The following FAM120B variants were observed in gnomAD, a reference collection of about 807,000 sequenced individuals.
FAM120B encodes the protein constitutive coactivator of peroxisome proliferator-activated receptor gamma.
A neutral mutation model predicts 96.3 loss-of-function variants in FAM120B; 83 were observed. The ratio of observed to expected loss-of-function variants is 0.86; its 90% CI spans 0.72 to 1.03. The LOEUF is 1.03. FAM120B is among the 50% of genes least tolerant of loss of function. The pLI is 0.00. For synonymous variants in FAM120B, 407 were observed against 402.7 expected (o/e 1.01, Z -0.13); for missense variants, 1,027 against 1,121.2 (o/e 0.92, Z 1.20).
At chr6:170,395,684 G>A in intron 9 of FAM120B, 105 bp downstream of exon 9, 1 of 763,834 alleles carries the variant, frequency 1.3e-6, no homozygotes, top group Non-Finnish European at 2.2e-6. Context: ...AGGTTGTATA[G>A]TTCCAGTAAA....
At position 170,317,418 on chromosome 6, in the gene FAM120B, G is replaced by T. The variant is rs963115908; in HGVS notation, c.28G>T (p.Val10Leu). ...GGGTGTGAGAGGTTTGCAAGGATTT[G>T]TGGGAAGTACCTGCCCACATATATG... MGVRGLQGF[V>L]GSTCPHICTV... Residue 10 changes from valine (V) to leucine (L), a missense_variant, in exon 2 of 11, where the codon GTG becomes TTG. By Grantham distance (32) the Val-to-Leu change is conservative. Coordinates refer to ENST00000476287, the MANE Select transcript of FAM120B (RefSeq NM_032448.3). 1.2e-6 allele frequency: 2 copies of T among 1,611,498 alleles called. No individual in the cohort carries two copies. The highest frequency in any genetic ancestry group is 1.3e-5 in the African/African-American group (1 of 74,856).
chr6:170,330,930 T>C, intron 4 of FAM120B: 1 of 185,662 alleles, frequency 5.4e-6, no homozygotes, highest in Non-Finnish European at 1.1e-5. Flanking sequence ...GGATAGATTC[T>C]TGATATTCTG....
upstream of FAM120B, among the ~76,000 whole-genome samples, chr6:170,291,267 G>C (rs1342877027): frequency 6.6e-6 from 1 of 151,384 alleles, no homozygotes; most frequent in Admixed American, 6.6e-5. Flanking sequence ...CGTCCCCTCC[G>C]CACGCCCTCC....
At position 170,295,539 on chromosome 6, in the gene FAM120B, G is replaced by A. The variant is rs950307031; in HGVS notation, c.48+86G>A. 3 of 625,576 alleles carry A rather than the reference G, an allele frequency of 4.8e-6. No individual in the cohort carries two copies. In the Admixed American group the frequency reaches 8.0e-5, roughly 17 times the overall value. 38.8% of individuals were successfully genotyped at this position (625,576 alleles called of 1,614,324 possible). ...GGGCAGGAGCGCGACCCCCGGCGCG[G>A]GCAGCTCTGCGCGAAGGTGGGCGAC... On this transcript the variant is annotated intron_variant, in intron 1 of 10. Coordinates refer to the FAM120B transcript ENST00000537664. The surrounding 1 kb of genome is among the most constrained non-coding windows in gnomAD (Gnocchi z 7.8).
upstream of FAM120B, among the ~76,000 whole-genome samples, chr6:170,302,490 T>C (rs929194766): frequency 6.6e-6 from 1 of 152,150 alleles, no homozygotes; most frequent in Non-Finnish European, 1.5e-5. Context: ...TCAAAAGAAA[T>C]TTCATTCAGC....
intron 9 of FAM120B, among the ~76,000 whole-genome samples, chr6:170,399,203 G>A (rs1232986356): frequency 1.0e-4 from 15 of 145,538 alleles, no homozygotes; most frequent in Non-Finnish European, 7.6e-5. Flanking sequence ...ACTCTTAGAA[G>A]TGAGTGGGAA....
In FAM120B at chr6:170,370,685, T is replaced by G. The variant is rs989261015; in HGVS notation, c.2283+12367T>G. 1.8e-4 allele frequency among the ~76,000 whole-genome samples: 28 copies of G among 152,192 alleles called. No individual in the cohort carries two copies. Among genetic ancestry groups the G allele is most frequent in the African/African-American group, 6.8e-4 (28 of 41,438 alleles). On this transcript the variant is annotated intron_variant, in intron 6 of 10. Coordinates refer to ENST00000476287, the MANE Select transcript of FAM120B (RefSeq NM_032448.3). The surrounding 1 kb of genome is among the most constrained non-coding windows in gnomAD (Gnocchi z 4.3). ...AGAACTGCAGTCAGCAGTTCAGATATTACCTCACCGCATTTCTTATAAAGA... is the reference window on the plus strand; with the variant it reads ...AGAACTGCAGTCAGCAGTTCAGATAGTACCTCACCGCATTTCTTATAAAGA...
At chr6:170,384,500 C>A (rs531714574) in intron 6 of FAM120B, among the ~76,000 whole-genome samples, 35 of 152,252 alleles carry the variant, frequency 2.3e-4, no homozygotes, top group African/African-American at 8.2e-4. Context: ...AACCAGTGCG[C>A]CTGCATCAGA....
Position 170,318,509 on chromosome 6 carries a change from C to CA in FAM120B, c.1120dup (p.Arg374LysfsTer11). The CA allele has an allele frequency of 6.3e-7, 1 of 1,582,368 alleles. No individual in the cohort carries two copies. ...TTCCCGTGTATACAGATTCTGAACC[C>CA]AGGCAAGAAGTTCCCATGTGTTCAG... On this transcript the variant is annotated frameshift_variant, in exon 2 of 11. Transcript: ENST00000476287. LOFTEE classifies it high-confidence loss of function.
chr6:170,381,116 G>C (rs1480072250), intron 6 of FAM120B, among the ~76,000 whole-genome samples: 1 of 152,200 alleles, frequency 6.6e-6, no homozygotes, highest in Non-Finnish European at 1.5e-5. Context: ...GATCAAGGGA[G>C]GTCAGCTTGG....
chr6:170,361,266 A>G (rs1303315090), intron 6 of FAM120B, among the ~76,000 whole-genome samples: 1 of 143,578 alleles, frequency 7.0e-6, no homozygotes, highest in Non-Finnish European at 1.5e-5. Context: ...GTGTATATAT[A>G]TAGTTACATA....
intron 5 of FAM120B, 61 bp from the exon 6 acceptor site, chr6:170,358,165 T>C: frequency 1.4e-6 from 2 of 1,385,160 alleles, no homozygotes; most frequent in Non-Finnish European, 2.0e-6. Flanking sequence ...CTGAGATCAA[T>C]TTGTAAGAAA....
intron 5 of FAM120B, among the ~76,000 whole-genome samples, chr6:170,349,986 T>C (rs1165284958): frequency 6.6e-6 from 1 of 152,150 alleles, no homozygotes; most frequent in Admixed American, 6.5e-5. Context: ...ACCATGCTTC[T>C]CCCATGGATC....
upstream of FAM120B, among the ~76,000 whole-genome samples, chr6:170,305,773 A>C (rs751582478): frequency 2.0e-5 from 3 of 152,214 alleles, no homozygotes; most frequent in Non-Finnish European, 4.4e-5. Context: ...GTAGAGAAAA[A>C]GGCGGAACTG....
intron 5 of FAM120B, among the ~76,000 whole-genome samples, chr6:170,356,644 G>C (rs1327923017): frequency 1.3e-5 from 2 of 151,946 alleles, no homozygotes; most frequent in African/African-American, 4.8e-5. Flanking sequence ...TTGAAAAGCT[G>C]GCCCTTTATA....
chr6:170,400,764 G>C (rs926401712), intron 9 of FAM120B, among the ~76,000 whole-genome samples: 3 of 152,134 alleles, frequency 2.0e-5, no homozygotes, highest in Non-Finnish European at 4.4e-5. Flanking sequence ...AGCAATGTCC[G>C]TCCTACCTCA....
chr6:170,323,354 T>G (rs1416204930), intron 3 of FAM120B, 95 bp downstream of exon 3: 15 of 1,018,068 alleles, frequency 1.5e-5, no homozygotes, highest in Non-Finnish European at 2.0e-5. Flanking sequence ...TTTCAAGACA[T>G]GGAGACAATT....
At chr6:170,385,509 A>G (rs1395787855) in intron 6 of FAM120B, among the ~76,000 whole-genome samples, 1 of 152,184 alleles carries the variant, frequency 6.6e-6, no homozygotes, top group Non-Finnish European at 1.5e-5. Flanking sequence ...AGAATAGAGA[A>G]AGGTTTTTTT....
intron 1 of FAM120B, among the ~76,000 whole-genome samples, chr6:170,296,832 C>G (rs1397610796): frequency 6.6e-6 from 1 of 152,202 alleles, no homozygotes; most frequent in East Asian, 1.9e-4. Context: ...CGCGGCGGCT[C>G]CTTTCCGGCT....
Sources: gnomAD v4.1 joint callset for allele counts (sites outside exome capture counted in the v4.1 genomes callset) on GRCh38, gnomAD v4.1.1 for gene constraint, Gnocchi (gnomAD v3.1) non-coding constraint, MANE v1.5 for transcripts, NCBI Gene and HGNC (gene_info 2026-07-23, HGNC 2026-07-21) for gene names.